The following ZNF521 variants were observed in gnomAD, a reference collection of about 807,000 sequenced individuals.
ZNF521 encodes zinc finger protein 521.
In ZNF521, 14 loss-of-function variants were observed where a neutral mutation model predicts 105.5. That is an observed-to-expected ratio of 0.13 (90% CI 0.09 to 0.21). The LOEUF (loss-of-function observed/expected upper bound fraction) is 0.21. Among genes scored for constraint, ZNF521 ranks in the 10% least tolerant of loss-of-function variants. ZNF521 has a pLI of 1.00. For missense variants in ZNF521, 1,233 were observed against 1,629.7 expected (o/e 0.76, Z 4.19); for synonymous variants, 635 against 606.0 (o/e 1.05, Z -0.70).
chr18:25,289,076 T>A (rs1408766972), intron 3 of ZNF521, among the ~76,000 whole-genome samples: 1 of 152,228 alleles, frequency 6.6e-6, no homozygotes, highest in Non-Finnish European at 1.5e-5. Flanking sequence ...TGGCTTCCAT[T>A]TACTTCCAAT....
At chr18:25,136,112 T>C (rs1399214066) in intron 5 of ZNF521, among the ~76,000 whole-genome samples, 1 of 152,170 alleles carries the variant, frequency 6.6e-6, no homozygotes, top group Non-Finnish European at 1.5e-5. Flanking sequence ...TTCGTAATAA[T>C]ATATAAAAAA....
At chr18:25,316,820 A>G (rs1407594257) in intron 3 of ZNF521, among the ~76,000 whole-genome samples, 1 of 150,304 alleles carries the variant, frequency 6.7e-6, no homozygotes. Context: ...CTCTCTGGAC[A>G]TGTGCTTCAA....
intron 7 of ZNF521, among the ~76,000 whole-genome samples, chr18:25,076,415 C>G (rs772560025): frequency 1.3e-5 from 2 of 152,078 alleles, no homozygotes; most frequent in Non-Finnish European, 2.9e-5. Context: ...AAAGTTGTCA[C>G]CAAAAATTGC....
At chr18:25,204,785 A>C (rs1419019844) in intron 4 of ZNF521, among the ~76,000 whole-genome samples, 1 of 151,988 alleles carries the variant, frequency 6.6e-6, no homozygotes, top group African/African-American at 2.4e-5. Context: ...CAAGGGACCA[A>C]CTCATGTCCC....
At position 25,263,690 on chromosome 18, in the gene ZNF521, G is replaced by A. The variant is rs182177982; in HGVS notation, c.221-35993C>T. ...TTCCGGGTTCAAGCCATTCTCCTGC[G>A]TCAGCGTCCTGAATAGCTGGGACTA... is the stretch of plus-strand genomic sequence containing the variant. On this transcript the variant is annotated intron_variant, in intron 3 of 7. Transcript: ENST00000361524. 9.2e-4 allele frequency among the ~76,000 whole-genome samples: 140 copies of A among 152,190 alleles called. 2 individuals are homozygous for A. Among genetic ancestry groups the A allele is most frequent in the Non-Finnish European group, 3.8e-4 (26 of 68,010 alleles).
intron 3 of ZNF521, among the ~76,000 whole-genome samples, chr18:25,237,254 G>C (rs1906961991): frequency 1.3e-5 from 2 of 152,122 alleles, no homozygotes; most frequent in Admixed American, 1.3e-4. Flanking sequence ...TGCCAAAGTA[G>C]TTTTTCAAAT....
intron 2 of ZNF521, among the ~76,000 whole-genome samples, chr18:25,348,922 C>T (rs1388568606): frequency 6.6e-6 from 1 of 152,196 alleles, no homozygotes; most frequent in African/African-American, 2.4e-5. Flanking sequence ...AAGAAATCAT[C>T]TTCAGGAAGC....
chr18:25,245,541 A>G (rs1057188636), intron 3 of ZNF521, among the ~76,000 whole-genome samples: 2 of 152,144 alleles, frequency 1.3e-5, no homozygotes, highest in African/African-American at 2.4e-5. Flanking sequence ...AACAGTCCCA[A>G]TTGCTTTTGT....
chr18:25,122,079 T>C (rs1378278783), intron 5 of ZNF521, among the ~76,000 whole-genome samples: 9 of 152,034 alleles, frequency 5.9e-5, no homozygotes. Flanking sequence ...ATTCAAGACA[T>C]AGAAGAAACA....
At chr18:25,085,229 A>G (rs62082229) in intron 7 of ZNF521, among the ~76,000 whole-genome samples, 30,850 of 148,782 alleles carry the variant, frequency 0.21, 4,017 homozygotes, top group East Asian at 0.4. Flanking sequence ...TTTTATGTGT[A>G]TATATATATA....
intron 3 of ZNF521, among the ~76,000 whole-genome samples, chr18:25,320,584 T>G (rs1419705823): frequency 6.6e-6 from 1 of 152,160 alleles, no homozygotes; most frequent in Non-Finnish European, 1.5e-5. Context: ...GTCTCCAACT[T>G]TCTCTCAAAT....
intron 2 of ZNF521, among the ~76,000 whole-genome samples, chr18:25,335,239 T>A (rs1426720103): frequency 6.6e-6 from 1 of 152,180 alleles, no homozygotes; most frequent in Non-Finnish European, 1.5e-5. Context: ...CCATGAAAGG[T>A]AGTTCCTAGA....
chr18:25,087,209 T>C (rs571116447), intron 7 of ZNF521, among the ~76,000 whole-genome samples: 93 of 152,302 alleles, frequency 6.1e-4, no homozygotes, highest in African/African-American at 2.0e-3. Flanking sequence ...AAAGGCATCC[T>C]GAGATCAAGG....
At chr18:25,151,938 G>A (rs78401863) in intron 5 of ZNF521, among the ~76,000 whole-genome samples, 2,233 of 152,288 alleles carry the variant, frequency 0.015, 54 homozygotes, top group African/African-American at 0.051. Context: ...TGGAACGGGG[G>A]TTGGCAGATC....
intron 2 of ZNF521, among the ~76,000 whole-genome samples, chr18:25,335,153 G>A (rs148127146): frequency 7.8e-4 from 119 of 152,292 alleles, no homozygotes; most frequent in African/African-American, 2.4e-3. Flanking sequence ...CAGTGAGCCT[G>A]TAATTTTTGC....
chr18:25,241,327 G>C (rs1050961373), intron 3 of ZNF521, among the ~76,000 whole-genome samples: 16 of 152,058 alleles, frequency 1.1e-4, no homozygotes, highest in Non-Finnish European at 2.1e-4. Flanking sequence ...TATTTGAATC[G>C]AACCACTGTC....
intron 7 of ZNF521, among the ~76,000 whole-genome samples, chr18:25,082,949 T>G (rs2033534886): frequency 6.6e-6 from 1 of 152,082 alleles, no homozygotes; most frequent in African/African-American, 2.4e-5. Flanking sequence ...TTACTTCCTT[T>G]GGATGTGCTG....
rs1443316090 is a variant in ZNF521 at position 25,134,912 on chromosome 18, A to C, written c.3659-42831T>G. On this transcript the variant is annotated intron_variant, in intron 5 of 7. Coordinates refer to ENST00000361524, the MANE Select transcript of ZNF521 (RefSeq NM_015461.3). ...GGGGGTGCTTAGTGCTATTTGATCA[A>C]ACACAGAATGTACGGCCCCATAACT... 2.0e-5 allele frequency among the ~76,000 whole-genome samples: 3 copies of C among 152,200 alleles called. No homozygotes were observed. The East Asian group carries it at 5.8e-4, about 29-fold the overall frequency.
At chr18:25,350,882 C>A in intron 2 of ZNF521, 25 bp downstream of exon 2, 1 of 1,546,682 alleles carries the variant, frequency 6.5e-7, no homozygotes, top group Non-Finnish European at 8.7e-7. Flanking sequence ...TGGGGGAAAG[C>A]GGGGAGCAGG....
Sources: gnomAD v4.1 joint callset for allele counts (sites outside exome capture counted in the v4.1 genomes callset) on GRCh38, gnomAD v4.1.1 for gene constraint, MANE v1.5 for transcripts, NCBI Gene and HGNC (gene_info 2026-07-23, HGNC 2026-07-21) for gene names.